The following GMDS variants were observed in gnomAD, a reference collection of about 807,000 sequenced individuals.
GMDS encodes GDP-mannose 4,6-dehydratase.
GMDS carries 20 observed loss-of-function variants against 49.9 expected under a neutral mutation model. That is an observed-to-expected ratio of 0.40 (90% CI 0.28 to 0.58). The LOEUF (loss-of-function observed/expected upper bound fraction) is 0.58, where lower values mean the gene tolerates loss of function less well. Among genes scored for constraint, GMDS ranks in the 20% least tolerant of loss-of-function variants. GMDS has a pLI of 0.42. For missense variants in GMDS, 362 were observed against 481.4 expected, an observed-to-expected ratio of 0.75 and a Z score of 2.32; for synonymous variants, 177 against 178.6, an observed-to-expected ratio of 0.99 and a Z score of 0.07.
chr6:1,662,684 G>C (rs139495226), intron 9 of GMDS, among the ~76,000 whole-genome samples: 1 of 152,242 alleles, frequency 6.6e-6, no homozygotes, highest in East Asian at 1.9e-4. Flanking sequence ...AAACTGTCCT[G>C]AGAGCCAAGG....
At chr6:1,973,114 G>A (rs1764710000) in intron 4 of GMDS, among the ~76,000 whole-genome samples, 1 of 152,152 alleles carries the variant, frequency 6.6e-6, no homozygotes, top group Non-Finnish European at 1.5e-5. Context: ...GCTCTCATCA[G>A]CCATTTTGAA....
At chr6:1,899,146 C>T (rs1005115494) in intron 7 of GMDS, among the ~76,000 whole-genome samples, 8 of 152,152 alleles carry the variant, frequency 5.3e-5, no homozygotes, top group African/African-American at 1.7e-4. Context: ...CCATCCTGCC[C>T]GTCTGTCTGG....
intron 7 of GMDS, among the ~76,000 whole-genome samples, chr6:1,927,337 G>A (rs6941449): frequency 0.038 from 2,436 of 64,726 alleles, 59 homozygotes; most frequent in East Asian, 0.1. Flanking sequence ...ATTTTTATTC[G>A]GAGGGTAGCG....
intron 7 of GMDS, among the ~76,000 whole-genome samples, chr6:1,908,050 T>C (rs1396592380): frequency 6.6e-6 from 1 of 152,184 alleles, no homozygotes; most frequent in African/African-American, 2.4e-5. Context: ...CATGGGGCCA[T>C]TATTAGGTAA....
intron 9 of GMDS, among the ~76,000 whole-genome samples, chr6:1,656,311 G>C (rs938851992): frequency 1.3e-5 from 2 of 152,116 alleles, no homozygotes; most frequent in Non-Finnish European, 2.9e-5. Context: ...AATGGTTTTT[G>C]CCCTCTTTCT....
chr6:1,757,009 G>T (rs1323073619), intron 7 of GMDS, among the ~76,000 whole-genome samples: 1 of 152,088 alleles, frequency 6.6e-6, no homozygotes, highest in East Asian at 1.9e-4. Flanking sequence ...GATGGGAGGG[G>T]TTACCGTAGC....
chr6:1,627,662 C>T (rs1762883776), intron 9 of GMDS, among the ~76,000 whole-genome samples: 1 of 152,160 alleles, frequency 6.6e-6, no homozygotes, highest in Non-Finnish European at 1.5e-5. Flanking sequence ...CTTCATTATA[C>T]ATATGCTTAC....
chr6:1,676,321 T>G (rs190842712), intron 9 of GMDS, among the ~76,000 whole-genome samples: 113 of 152,188 alleles, frequency 7.4e-4, no homozygotes, highest in African/African-American at 2.7e-3. Context: ...TGCTCATGGA[T>G]AGGAAGAATC....
intron 1 of GMDS, among the ~76,000 whole-genome samples, chr6:2,198,738 T>C (rs1244324405): frequency 6.6e-6 from 1 of 152,194 alleles, no homozygotes. Flanking sequence ...ACATCAGACT[T>C]CTCAACAAGT....
intron 3 of GMDS, among the ~76,000 whole-genome samples, chr6:2,117,076 A>T (rs187207473): frequency 1.8e-4 from 27 of 152,370 alleles, no homozygotes; most frequent in Non-Finnish European, 3.5e-4. Context: ...AATTATTTTT[A>T]AAAATAATTA....
At chr6:1,961,071 G>A in intron 4 of GMDS, 105 bp from the exon 5 acceptor site, 4 of 558,454 alleles carry the variant, frequency 7.2e-6, no homozygotes, top group South Asian at 8.7e-5. Context: ...AAATGTTGGT[G>A]AGAAAATATT....
At chr6:1,945,537 G>A (rs955640671) in intron 6 of GMDS, among the ~76,000 whole-genome samples, 13 of 152,134 alleles carry the variant, frequency 8.5e-5, no homozygotes, top group African/African-American at 2.7e-4. Context: ...TTATAGTCGG[G>A]TTGGCTTGAA....
At chr6:1,924,667 T>A (rs191734565) in intron 7 of GMDS, among the ~76,000 whole-genome samples, 1 of 152,186 alleles carries the variant, frequency 6.6e-6, no homozygotes, top group Non-Finnish European at 1.5e-5. Flanking sequence ...AGGAACTCAA[T>A]AGAATACATG....
In GMDS at chr6:1,737,878, T is replaced by C. The variant is rs188331216; in HGVS notation, c.890+4590A>G. On this transcript the variant is annotated intron_variant, in intron 8 of 10. Coordinates refer to ENST00000380815, the MANE Select transcript of GMDS (RefSeq NM_001500.4). ...AGATATGCACACATACACACATACA[T>C]ACACACGCAACCCCACACACATACA... is the stretch of plus-strand genomic sequence containing the variant. Among the ~76,000 whole-genome samples the C allele has an allele frequency of 5.8e-3, 673 of 116,552 alleles. 4 individuals are homozygous for C. Among genetic ancestry groups the C allele is most frequent in the African/African-American group, 0.022 (640 of 29,626 alleles). The allele number at this position is 116,552 out of a possible 152,430, so 76.5% of individuals were successfully genotyped here.
At chr6:1,896,842 A>G (rs537702536) in intron 7 of GMDS, among the ~76,000 whole-genome samples, 67 of 152,320 alleles carry the variant, frequency 4.4e-4, no homozygotes, top group African/African-American at 1.6e-3. Context: ...TCCGGTTAAG[A>G]TAACAAGGTT....
intron 1 of GMDS, among the ~76,000 whole-genome samples, chr6:2,230,930 T>TCCCCC (rs797010185): frequency 1.9e-3 from 28 of 14,540 alleles, no homozygotes; most frequent in African/African-American, 3.9e-3. Context: ...AGTATTCTCT[T>TCCCCC]CCCCCCTCCC....
At chr6:1,698,363 T>C (rs985541019) in intron 9 of GMDS, among the ~76,000 whole-genome samples, 3 of 152,190 alleles carry the variant, frequency 2.0e-5, no homozygotes, top group African/African-American at 7.2e-5. Flanking sequence ...GCAAACCTGG[T>C]TTCCCTGAAC....
intron 4 of GMDS, among the ~76,000 whole-genome samples, chr6:2,006,171 C>T (rs529608598): frequency 1.3e-5 from 2 of 151,984 alleles, no homozygotes; most frequent in East Asian, 1.9e-4. Context: ...CCTGCAATCA[C>T]AGCACTTTAG....
chr6:1,996,259 A>C (rs745372617), intron 4 of GMDS, among the ~76,000 whole-genome samples: 3 of 151,932 alleles, frequency 2.0e-5, no homozygotes, highest in Non-Finnish European at 2.9e-5. Context: ...ACAGCCAACA[A>C]CACCACAGCT....
Sources: allele counts gnomAD v4.1 joint callset (sites outside exome capture counted in the v4.1 genomes callset), GRCh38; gene constraint gnomAD v4.1.1; transcripts MANE v1.5; gene names NCBI Gene and HGNC (gene_info 2026-07-23, HGNC 2026-07-21).